Variants in MMAA observed in about 807,000 individuals in gnomAD.
MMAA encodes metabolism of cobalamin associated A, also known as methylmalonic aciduria type A protein, mitochondrial.
A neutral mutation model predicts 45.0 loss-of-function variants in MMAA; 41 were observed. The observed-to-expected ratio is 0.91, with a 90% CI of 0.71 to 1.18. The LOEUF is 1.18. Among genes scored for constraint, MMAA ranks in the 50% most tolerant of loss-of-function variants. The probability of loss-of-function intolerance (pLI) is 0.00; values close to 1 mark genes in which losing one functional copy is unlikely to be tolerated. For missense variants in MMAA, 460 were observed against 495.7 expected (o/e 0.93, Z 0.68); for synonymous variants, 154 against 178.2 (o/e 0.86, Z 1.08).
At chr4:145,655,008 T>C in intron 6 of MMAA, 139 bp from the exon 7 acceptor site, 1 of 860,398 alleles carries the variant, frequency 1.2e-6, no homozygotes, top group East Asian at 2.7e-5. Flanking sequence ...ATATTTACTT[T>C]GACACAGCAA....
intron 4 of MMAA, among the ~76,000 whole-genome samples, chr4:145,649,125 CAAAA>C (rs201679920): frequency 3.3e-5 from 3 of 89,860 alleles, no homozygotes; most frequent in African/African-American, 7.0e-5. Flanking sequence ...TTGGTTCTAT[CAAAA>C]AAAAAAAAAA....
In MMAA at chr4:145,657,213, T is replaced by C. The variant is rs886059097; in HGVS notation, c.*1779T>C. 2.0e-5 allele frequency: 3 copies of C among 152,216 alleles called. No homozygotes were observed. The highest frequency in any genetic ancestry group is 2.9e-5 in the Non-Finnish European group (2 of 68,042). The allele number at this position is 152,216 out of a possible 1,614,324, so 9.4% of individuals were successfully genotyped here. The stretch of plus-strand genomic sequence containing the variant: ...ATTTCTTCTCAGTTTGAACTACTTT[T>C]AAATGTTATAAATGTCATCATAAAA... On this transcript the variant is annotated 3_prime_UTR_variant, in exon 7 of 7. Coordinates refer to ENST00000649156, the MANE Select transcript of MMAA (RefSeq NM_172250.3).
intron 1 of MMAA, among the ~76,000 whole-genome samples, chr4:145,636,755 G>C (rs1480954397): frequency 6.6e-6 from 1 of 152,204 alleles, no homozygotes; most frequent in Non-Finnish European, 1.5e-5. Flanking sequence ...TCTTGTCTGT[G>C]CCCATGGCAC....
chr4:145,642,281 G>A, intron 2 of MMAA, 82 bp from the exon 3 acceptor site: 1 of 1,439,096 alleles, frequency 6.9e-7, no homozygotes, highest in Non-Finnish European at 9.8e-7. Flanking sequence ...ATAGAAGGTA[G>A]TCTAATATTT....
At position 145,622,870 on chromosome 4, in the gene MMAA, G is replaced by A. The variant is rs569854105; in HGVS notation, c.-66+3463G>A. On this transcript the variant is annotated intron_variant, in intron 1 of 6. Coordinates refer to ENST00000649156, the MANE Select transcript of MMAA (RefSeq NM_172250.3). ...TAAAAAATAATACAAAGCTCTTTCA[G>A]CTGTGGTTCAGAGAACTCTAGTGAA... Among the ~76,000 whole-genome samples, 8 of 152,268 alleles carry A rather than the reference G, an allele frequency of 5.3e-5. No homozygotes were observed. The East Asian group carries it at 1.3e-3, about 26-fold the overall frequency.
At chr4:145,629,539 AAAG>A (rs1200125402) in intron 1 of MMAA, among the ~76,000 whole-genome samples, 1 of 152,194 alleles carries the variant, frequency 6.6e-6, no homozygotes, top group East Asian at 1.9e-4. Flanking sequence ...ATACCTAAAA[AAAG>A]AGTACTAGAG....
Position 145,658,466 on chromosome 4 carries a change from C to T in MMAA, c.*3032C>T, listed in dbSNP as rs1200207456. 6.6e-6 allele frequency: 1 copy of T among 152,122 alleles called. No homozygotes were observed. Among genetic ancestry groups the T allele is most frequent in the Non-Finnish European group, 1.5e-5 (1 of 68,022 alleles). The allele number at this position is 152,122 out of a possible 1,614,324, so 9.4% of individuals were successfully genotyped here. A position where few individuals can be genotyped will look rare whatever the true frequency, so the allele number is the denominator to read the frequency against. The stretch of plus-strand genomic sequence containing the variant: ...AAAATGTGCTGAGCTCCAAAACTGA[C>T]AGACATTTTGCTAAAACAATATCAA... On this transcript the variant is annotated 3_prime_UTR_variant, in exon 7 of 7. Coordinates refer to ENST00000649156, the MANE Select transcript of MMAA (RefSeq NM_172250.3).
chr4:145,625,037 A>T, intron 1 of MMAA: 1 of 907,216 alleles, frequency 1.1e-6, no homozygotes, highest in South Asian at 1.4e-5. Context: ...CAAGAGCTCA[A>T]ACTTCTCACC....
chr4:145,625,970 A>G (rs1321908600), intron 1 of MMAA: 10 of 1,549,658 alleles, frequency 6.5e-6, no homozygotes, highest in Middle Eastern at 1.8e-4. Context: ...CCCTCCGTGC[A>G]TCACTACCCC....
In MMAA at chr4:145,655,776, A is replaced by G. The variant is rs886059093; in HGVS notation, c.*342A>G. Reference sequence around the variant, plus strand: ...AAAATGCTTATTTTGATTCCATATTATCTGAATTTCCAGAGAGGATGTAAA... The same window carrying G: ...AAAATGCTTATTTTGATTCCATATTGTCTGAATTTCCAGAGAGGATGTAAA... On this transcript the variant is annotated 3_prime_UTR_variant, in exon 7 of 7. Transcript: ENST00000649156. 75 of 175,660 alleles carry G rather than the reference A, an allele frequency of 4.3e-4. No individual in the cohort carries two copies. The highest frequency in any genetic ancestry group is 8.5e-4 in the Non-Finnish European group (71 of 83,362). The allele number at this position is 175,660 out of a possible 1,614,324, so 10.9% of individuals were successfully genotyped here. A position where few individuals can be genotyped will look rare whatever the true frequency, so the allele number is the denominator to read the frequency against.
At chr4:145,637,918 G>A (rs999381769) in intron 1 of MMAA, among the ~76,000 whole-genome samples, 3 of 152,330 alleles carry the variant, frequency 2.0e-5, no homozygotes, top group South Asian at 2.1e-4. Context: ...GAGGCACAGA[G>A]TGGTCAAGTA....
chr4:145,639,623 T>G, intron 2 of MMAA, 45 bp downstream of exon 2: 11 of 1,571,844 alleles, frequency 7.0e-6, no homozygotes, highest in Non-Finnish European at 8.6e-6. Flanking sequence ...TTTTACAAAT[T>G]CTCTGTATTC....
intron 1 of MMAA, chr4:145,624,192 C>T: frequency 1.2e-6 from 1 of 866,016 alleles, no homozygotes; most frequent in Non-Finnish European, 2.0e-6. Context: ...ATAACCACTT[C>T]TTTTTATCAA....
intron 2 of MMAA, 106 bp downstream of exon 2, chr4:145,639,684 T>TC: frequency 2.0e-6 from 3 of 1,463,862 alleles, no homozygotes; most frequent in Non-Finnish European, 2.7e-6. Context: ...GCGACTTTTT[T>TC]CACAATATTT....
chr4:145,650,688 A>T, intron 4 of MMAA: 1 of 271,524 alleles, frequency 3.7e-6, no homozygotes, highest in South Asian at 4.6e-5. Context: ...GCAGGCAAGT[A>T]TGAGGACAAG....
chr4:145,642,411 T>C lies in MMAA; in HGVS notation c.488T>C (p.Phe163Ser), dbSNP rs753463116. ...GGAAAATCAACATTTATAGAATATT[T>C]TGGAAAAATGCTTACTGAGAGAGGG... Reference protein sequence around the residue: ...GAGKSTFIEYFGKMLTERGHK... With the variant: ...GAGKSTFIEYSGKMLTERGHK... Residue 163 changes from phenylalanine to serine, a missense_variant, in exon 3 of 7, where the codon TTT (phenylalanine) becomes TCT (serine). Physicochemically the swap from Phe to Ser is radical, Grantham distance 155. Transcript: ENST00000649156. The C allele has an allele frequency of 9.9e-6, 16 of 1,614,046 alleles. No individual in the cohort carries two copies. Among genetic ancestry groups the C allele is most frequent in the Non-Finnish European group, 7.6e-6 (9 of 1,180,030 alleles).
intron 1 of MMAA, among the ~76,000 whole-genome samples, chr4:145,621,627 A>G (rs1162288504): frequency 1.3e-5 from 2 of 152,206 alleles, no homozygotes; most frequent in Non-Finnish European, 2.9e-5. Flanking sequence ...GATTAATGGC[A>G]TTTGACAGCT....
intron 5 of MMAA, 84 bp downstream of exon 5, chr4:145,651,231 T>C: frequency 1.8e-6 from 2 of 1,123,312 alleles, no homozygotes; most frequent in South Asian, 2.6e-5. Flanking sequence ...TTTTGTAAAC[T>C]AAGTTGATAA....
rs1728234358 is a variant in MMAA at position 145,656,443 on chromosome 4, A to G, written c.*1009A>G. 6.6e-6 allele frequency: 1 copy of G among 152,120 alleles called. No individual in the cohort carries two copies. Among genetic ancestry groups the G allele is most frequent in the African/African-American group, 2.4e-5 (1 of 41,398 alleles). The allele number at this position is 152,120 out of a possible 1,614,324, so 9.4% of individuals were successfully genotyped here. A position where few individuals can be genotyped will look rare whatever the true frequency, so the allele number is the denominator to read the frequency against. Reference sequence around the variant, plus strand: ...CCCTGGTAAAATGAAATTGGCAAATAACTTTCTAAGGTTAGTGAAGATAGG... The same window carrying G: ...CCCTGGTAAAATGAAATTGGCAAATGACTTTCTAAGGTTAGTGAAGATAGG... On this transcript the variant is annotated 3_prime_UTR_variant, in exon 7 of 7. Transcript: ENST00000649156.
Sources: gnomAD v4.1 joint callset for allele counts (sites outside exome capture counted in the v4.1 genomes callset) on GRCh38, gnomAD v4.1.1 for gene constraint, MANE v1.5 for transcripts, NCBI Gene and HGNC (gene_info 2026-07-23, HGNC 2026-07-21) for gene names.